The following KCNMA1 variants were observed in gnomAD, a reference collection of about 807,000 sequenced individuals.
The protein encoded by KCNMA1 is potassium calcium-activated channel subfamily M alpha 1.
A neutral mutation model predicts 140.0 loss-of-function variants in KCNMA1; 29 were observed. The ratio of observed to expected loss-of-function variants is 0.21; its 90% CI spans 0.15 to 0.28. The LOEUF (loss-of-function observed/expected upper bound fraction) is 0.28. Ranked by LOEUF, KCNMA1 falls within the 10% of genes least tolerant of loss-of-function variation. The pLI is 1.00. For missense variants in KCNMA1, 880 were observed against 1,602.2 expected (o/e 0.55, Z 7.70); for synonymous variants, 612 against 611.9 (o/e 1.00, Z 0.00).
At chr10:77,036,378 T>C (rs1321603106) in intron 15 of KCNMA1, among the ~76,000 whole-genome samples, 4 of 152,162 alleles carry the variant, frequency 2.6e-5, no homozygotes, top group Non-Finnish European at 5.9e-5. Flanking sequence ...TACATCCTGC[T>C]CCCATATCTT....
chr10:77,347,200 G>A (rs1160474156), intron 2 of KCNMA1, among the ~76,000 whole-genome samples: 1 of 152,182 alleles, frequency 6.6e-6, no homozygotes, highest in Non-Finnish European at 1.5e-5. Flanking sequence ...GTCATTGGGA[G>A]CTAAGATTTA....
At chr10:77,094,963 G>C (rs1051802382) in intron 9 of KCNMA1, among the ~76,000 whole-genome samples, 1 of 152,128 alleles carries the variant, frequency 6.6e-6, no homozygotes, top group African/African-American at 2.4e-5. Flanking sequence ...GGCCCCCAAA[G>C]TGCTGAGATT....
intron 21 of KCNMA1, 81 bp downstream of exon 21, chr10:76,953,720 T>C (rs1266671252): frequency 4.4e-5 from 69 of 1,565,222 alleles, no homozygotes; most frequent in Non-Finnish European, 5.4e-5. Context: ...TATCCCACTG[T>C]CCAACTAGGG....
intron 3 of KCNMA1, among the ~76,000 whole-genome samples, chr10:77,185,600 T>A (rs76396791): frequency 7.5e-6 from 1 of 134,010 alleles, no homozygotes; most frequent in Non-Finnish European, 1.7e-5. Context: ...AAGGGTTAAT[T>A]TTTTTTTTTT....
chr10:77,183,540 AAAG>A lies in KCNMA1; in HGVS notation c.697-11_697-9del. 1 of 1,579,506 alleles carries A rather than the reference AAAG, an allele frequency of 6.3e-7. No homozygotes were observed. The highest frequency in any genetic ancestry group is 1.1e-5 in the South Asian group (1 of 90,086). On this transcript the variant is annotated splice_polypyrimidine_tract_variant and intron_variant, in intron 4 of 27. Coordinates refer to ENST00000286628, the MANE Select transcript of KCNMA1 (RefSeq NM_001161352.2). ...ATCGTTGGCTGCAATAAACTGGGGG[AAAG>A]AAGAAATAAGAAAGAGAAAAAACAT...
rs117918824 is a variant in KCNMA1, at chr10:77,448,359, T to G, written c.379-44336A>C. On this transcript the variant is annotated intron_variant, in intron 1 of 27. Coordinates refer to ENST00000286628, the MANE Select transcript of KCNMA1 (RefSeq NM_001161352.2). ...TTTTCTAGGGTGATATCAACTGGAG[T>G]CTGCTGGGTACACATGACACAGAGA... 1.1e-3 allele frequency among the ~76,000 whole-genome samples: 168 copies of G among 152,088 alleles called. 3 individuals carry two copies. In the East Asian group the frequency reaches 0.03, roughly 27 times the overall value.
At chr10:77,589,876 C>A (rs1231918877) in intron 1 of KCNMA1, among the ~76,000 whole-genome samples, 1 of 152,158 alleles carries the variant, frequency 6.6e-6, no homozygotes, top group Non-Finnish European at 1.5e-5. Context: ...GTTGCCACTG[C>A]TGGCTGCGGC....
At chr10:77,474,109 A>C (rs1254083233) in intron 1 of KCNMA1, among the ~76,000 whole-genome samples, 1 of 152,198 alleles carries the variant, frequency 6.6e-6, no homozygotes, top group Non-Finnish European at 1.5e-5. Context: ...TTGATCATTC[A>C]CCAAGACTTC....
At position 77,324,971 on chromosome 10, in the gene KCNMA1, C is replaced by CTCTCTG. The variant is rs766240356; in HGVS notation, c.541-73716_541-73715insCAGAGA. On this transcript the variant is annotated intron_variant, in intron 2 of 27. Coordinates refer to ENST00000286628, the MANE Select transcript of KCNMA1 (RefSeq NM_001161352.2). The stretch of plus-strand genomic sequence containing the variant: ...TCTCTCTCTCTCTCTCTCTCTCTCT[C>CTCTCTG]TGTGTGTGTGTGTGTGTGTGTGTGT... Among the ~76,000 whole-genome samples, 66 of 90,438 alleles carry CTCTCTG rather than the reference C, an allele frequency of 7.3e-4. 1 individual carries two copies. The highest frequency in any genetic ancestry group is 2.1e-3 in the African/African-American group (45 of 21,666). The allele number at this position is 90,438 out of a possible 152,430, so 59.3% of individuals were successfully genotyped here. A position where few individuals can be genotyped will look rare whatever the true frequency, so the allele number is the denominator to read the frequency against.
Position 76,885,002 on chromosome 10 carries a change from A to G in KCNMA1, c.*2264T>C. The stretch of plus-strand genomic sequence containing the variant: ...TAATTGTCATACCTTGGCCCATTCT[A>G]TTCATCCTTGTTGCACTTTAGAGAG... On this transcript the variant is annotated 3_prime_UTR_variant, in exon 28 of 28. Transcript: ENST00000286628. The G allele has an allele frequency of 6.5e-7, 1 of 1,548,996 alleles. No individual in the cohort carries two copies. Among genetic ancestry groups the G allele is most frequent in the Non-Finnish European group, 8.7e-7 (1 of 1,146,146 alleles).
chr10:77,072,873 T>C (rs1404642130), intron 14 of KCNMA1, among the ~76,000 whole-genome samples: 1 of 152,188 alleles, frequency 6.6e-6, no homozygotes, highest in Non-Finnish European at 1.5e-5. Flanking sequence ...AAAGAGGGGA[T>C]TGTGCTTTGA....
chr10:77,198,759 C>A (rs2041529903), intron 3 of KCNMA1, among the ~76,000 whole-genome samples: 1 of 152,022 alleles, frequency 6.6e-6, no homozygotes, highest in South Asian at 2.1e-4. Context: ...CCTCTTCTGC[C>A]TTTTATGATC....
intron 1 of KCNMA1, among the ~76,000 whole-genome samples, chr10:77,472,314 G>A (rs374236125): frequency 4.8e-5 from 7 of 144,466 alleles, no homozygotes; most frequent in East Asian, 2.1e-4. Flanking sequence ...CACACACAGA[G>A]AGCGTACATA....
At chr10:77,234,013 T>C (rs192689008) in intron 3 of KCNMA1, among the ~76,000 whole-genome samples, 2 of 152,236 alleles carry the variant, frequency 1.3e-5, no homozygotes, top group Admixed American at 1.3e-4. Flanking sequence ...TCTCAGATAT[T>C]TACATATAAG....
At chr10:77,582,168 T>A (rs769965336) in intron 1 of KCNMA1, among the ~76,000 whole-genome samples, 3 of 152,210 alleles carry the variant, frequency 2.0e-5, no homozygotes, top group Non-Finnish European at 2.9e-5. Flanking sequence ...GTCAACGACA[T>A]CATCACTGAC....
intron 24 of KCNMA1, 127 bp downstream of exon 24, chr10:76,914,809 C>A: frequency 1.4e-6 from 1 of 735,790 alleles, no homozygotes; most frequent in Non-Finnish European, 2.5e-6. Context: ...TCCTCCCAGC[C>A]CCCTCAAAAC....
At chr10:77,123,733 A>G (rs2097676950) in intron 5 of KCNMA1, among the ~76,000 whole-genome samples, 4 of 152,216 alleles carry the variant, frequency 2.6e-5, no homozygotes, top group Non-Finnish European at 5.9e-5. Flanking sequence ...ATAAATTAGC[A>G]CAGGAAGGGA....
At chr10:77,160,813 G>C (rs922827232) in intron 5 of KCNMA1, among the ~76,000 whole-genome samples, 1 of 152,188 alleles carries the variant, frequency 6.6e-6, no homozygotes, top group Non-Finnish European at 1.5e-5. Context: ...CCCTGGTTTT[G>C]TTAGTCATTG....
intron 1 of KCNMA1, among the ~76,000 whole-genome samples, chr10:77,416,483 G>A (rs1390186471): frequency 6.6e-6 from 1 of 152,338 alleles, no homozygotes; most frequent in East Asian, 1.9e-4. Context: ...CACCCAAGGG[G>A]CAACTGGGAA....
Sources: allele counts gnomAD v4.1 joint callset (sites outside exome capture counted in the v4.1 genomes callset), GRCh38; gene constraint gnomAD v4.1.1; transcripts MANE v1.5; gene names NCBI Gene and HGNC (gene_info 2026-07-23, HGNC 2026-07-21).